APBB1IP: variants seen among roughly 807,000 people sequenced by gnomAD.
APBB1IP encodes amyloid beta A4 precursor protein-binding family B member 1-interacting protein.
In APBB1IP, 27 loss-of-function variants were observed where a neutral mutation model predicts 64.9. That is an observed-to-expected ratio of 0.42 (90% CI 0.31 to 0.57). APBB1IP has a LOEUF of 0.57. Among genes scored for constraint, APBB1IP ranks in the 20% least tolerant of loss-of-function variants. The pLI, the probability that APBB1IP is intolerant of heterozygous loss-of-function variation, is 0.20. For missense variants in APBB1IP, 812 were observed against 845.5 expected, an observed-to-expected ratio of 0.96 and a Z score of 0.49; for synonymous variants, 392 against 331.0, an observed-to-expected ratio of 1.18 and a Z score of -2.00.
At chr10:26,497,178 A>G (rs1315715630) in intron 4 of APBB1IP, among the ~76,000 whole-genome samples, 3 of 152,000 alleles carry the variant, frequency 2.0e-5, no homozygotes, top group Non-Finnish European at 2.9e-5. Context: ...TTCTATCTCA[A>G]GAAAATAAAA....
chr10:26,478,810 T>C lies in APBB1IP; in HGVS notation c.1-13517T>C, dbSNP rs186098152. Reference sequence around the variant, plus strand: ...TGGAAGGAGAAGCTGGTAAGGTAGATAGGGATGGAGCCAGAATCTCTGGGG... The same window carrying C: ...TGGAAGGAGAAGCTGGTAAGGTAGACAGGGATGGAGCCAGAATCTCTGGGG... On this transcript the variant is annotated intron_variant, in intron 2 of 14. Transcript: ENST00000376236. Among the ~76,000 whole-genome samples the C allele has an allele frequency of 1.8e-3, 268 of 151,944 alleles. 3 individuals carry two copies. The highest frequency in any genetic ancestry group is 2.2e-4 in the Non-Finnish European group (15 of 67,924).
rs80213502 is a variant in APBB1IP at position 26,523,994 on chromosome 10, A to T, written c.814-9445A>T. ...TCAACAGTCAATAGGCCCTAGGTGGATGCCAGCACTCAGAACACAGTGCCC... is the reference window on the plus strand; with the variant it reads ...TCAACAGTCAATAGGCCCTAGGTGGTTGCCAGCACTCAGAACACAGTGCCC... On this transcript the variant is annotated intron_variant, in intron 8 of 14. Transcript: ENST00000376236. Among the ~76,000 whole-genome samples, 1,127 of 152,160 alleles carry T rather than the reference A, an allele frequency of 7.4e-3. 17 individuals carry two copies. Among genetic ancestry groups the T allele is most frequent in the African/African-American group, 0.026 (1,059 of 41,496 alleles).
At chr10:26,480,219 A>G (rs913406478) in intron 2 of APBB1IP, among the ~76,000 whole-genome samples, 6 of 152,272 alleles carry the variant, frequency 3.9e-5, no homozygotes, top group Non-Finnish European at 7.4e-5. Flanking sequence ...CTGGACTCCA[A>G]GTAAAGTGGA....
chr10:26,491,646 A>G (rs988567853), intron 2 of APBB1IP, among the ~76,000 whole-genome samples: 3 of 152,314 alleles, frequency 2.0e-5, no homozygotes, highest in South Asian at 2.1e-4. Context: ...GGGTTTGTCC[A>G]CCAGTACTTC....
At chr10:26,513,790 T>A in intron 8 of APBB1IP, 130 bp downstream of exon 8, 1 of 1,144,274 alleles carries the variant, frequency 8.7e-7, no homozygotes, top group Non-Finnish European at 1.2e-6. Context: ...TGGAGTGCAG[T>A]GGCGTGATCT....
At chr10:26,443,413 CAA>C (rs71401891) in intron 2 of APBB1IP, among the ~76,000 whole-genome samples, 1 of 132,992 alleles carries the variant, frequency 7.5e-6, no homozygotes, top group East Asian at 2.1e-4. Context: ...AACTCTATCT[CAA>C]AAAAAAAAGT....
chr10:26,505,002 C>T (rs1836156919), intron 6 of APBB1IP, among the ~76,000 whole-genome samples: 1 of 152,158 alleles, frequency 6.6e-6, no homozygotes, highest in African/African-American at 2.4e-5. Context: ...GCGCGCCACC[C>T]ATCTCAGCCT....
chr10:26,543,362 G>A (rs902728408), intron 11 of APBB1IP, among the ~76,000 whole-genome samples: 2 of 151,698 alleles, frequency 1.3e-5, no homozygotes, highest in African/African-American at 4.8e-5. Context: ...GCTACTTGGG[G>A]GGCTTGAGGC....
At chr10:26,469,258 C>CTT (rs386361721) in intron 2 of APBB1IP, among the ~76,000 whole-genome samples, 1,358 of 112,894 alleles carry the variant, frequency 0.012, 64 homozygotes, top group African/African-American at 0.045. Flanking sequence ...CTTTTCTTTT[C>CTT]TTTTTTTTTT....
chr10:26,549,138 T>C (rs1385244353), intron 11 of APBB1IP, among the ~76,000 whole-genome samples: 1 of 152,244 alleles, frequency 6.6e-6, no homozygotes, highest in African/African-American at 2.4e-5. Context: ...TATTGATTTG[T>C]ATATGCTAAA....
At chr10:26,468,833 T>C (rs370020768) in intron 2 of APBB1IP, among the ~76,000 whole-genome samples, 2 of 152,208 alleles carry the variant, frequency 1.3e-5, no homozygotes, top group African/African-American at 4.8e-5. Context: ...GTCACTGCCC[T>C]GTGCAAAGGA....
At chr10:26,451,414 T>C (rs528071445) in intron 2 of APBB1IP, among the ~76,000 whole-genome samples, 3 of 152,258 alleles carry the variant, frequency 2.0e-5, no homozygotes, top group African/African-American at 7.2e-5. Flanking sequence ...ATTAAGAATG[T>C]ATTAATAGTG....
At chr10:26,557,847 AC>A (rs1187089497) in intron 11 of APBB1IP, among the ~76,000 whole-genome samples, 14 of 152,210 alleles carry the variant, frequency 9.2e-5, no homozygotes, top group African/African-American at 3.4e-4. Context: ...GTTTAAAGAC[AC>A]GAGACCCTTT....
At chr10:26,483,310 G>C (rs916749934) in intron 2 of APBB1IP, among the ~76,000 whole-genome samples, 15 of 152,102 alleles carry the variant, frequency 9.9e-5, no homozygotes, top group African/African-American at 3.1e-4. Context: ...CTTACTTTGT[G>C]TAAACTCGAT....
chr10:26,523,532 A>G (rs1298600369), intron 8 of APBB1IP, among the ~76,000 whole-genome samples: 1 of 152,312 alleles, frequency 6.6e-6, no homozygotes, highest in East Asian at 1.9e-4. Context: ...GGCAACTGTG[A>G]AAGGGGCCGT....
At chr10:26,532,154 G>T (rs1836562737) in intron 8 of APBB1IP, among the ~76,000 whole-genome samples, 1 of 152,028 alleles carries the variant, frequency 6.6e-6, no homozygotes, top group Non-Finnish European at 1.5e-5. Flanking sequence ...GATTCAGTAG[G>T]GTCCTTAATT....
chr10:26,511,941 A>G (rs199827264), intron 7 of APBB1IP, 35 bp downstream of exon 7: 2 of 1,609,090 alleles, frequency 1.2e-6, no homozygotes, highest in Admixed American at 1.7e-5. Flanking sequence ...CTGTACTCCA[A>G]AAACCTTGTG....
intron 3 of APBB1IP, among the ~76,000 whole-genome samples, chr10:26,496,044 T>G (rs1588586611): frequency 6.7e-6 from 1 of 148,540 alleles, no homozygotes; most frequent in East Asian, 1.9e-4. Flanking sequence ...GTGTTCTTTA[T>G]AAAAATTAAC....
intron 4 of APBB1IP, among the ~76,000 whole-genome samples, chr10:26,497,613 A>C (rs1282221586): frequency 6.6e-6 from 1 of 152,164 alleles, no homozygotes; most frequent in Non-Finnish European, 1.5e-5. Flanking sequence ...AACTCTGGAA[A>C]AAGATTTCCC....
Sources: gnomAD v4.1 joint callset for allele counts (sites outside exome capture counted in the v4.1 genomes callset) on GRCh38, gnomAD v4.1.1 for gene constraint, MANE v1.5 for transcripts, NCBI Gene and HGNC (gene_info 2026-07-23, HGNC 2026-07-21) for gene names.